ASTN2: variants seen among roughly 807,000 people sequenced by gnomAD.
The protein encoded by ASTN2 is astrotactin 2.
Under a neutral mutation model 139.8 loss-of-function variants are expected in ASTN2, and 54 were observed. The ratio of observed to expected loss-of-function variants is 0.39; its 90% confidence interval spans 0.31 to 0.48. The LOEUF (loss-of-function observed/expected upper bound fraction) is 0.48, where lower values mean the gene tolerates loss of function less well. Among genes scored for constraint, ASTN2 ranks in the 20% least tolerant of loss-of-function variants. The pLI is 0.95. For synonymous variants in ASTN2, 756 were observed against 719.5 expected (o/e 1.05, Z -0.81); for missense variants, 1,565 against 1,725.1 (o/e 0.91, Z 1.64).
chr9:116,428,800 T>C (rs958764550), intron 22 of ASTN2, among the ~76,000 whole-genome samples: 1 of 152,204 alleles, frequency 6.6e-6, no homozygotes, highest in Non-Finnish European at 1.5e-5. Context: ...CCCTCAGTTT[T>C]CTTACCTTAC....
chr9:116,683,858 C>A (rs1446618897), intron 16 of ASTN2, among the ~76,000 whole-genome samples: 2 of 152,108 alleles, frequency 1.3e-5, no homozygotes, highest in African/African-American at 4.8e-5. Context: ...CAGGACACAA[C>A]TGGAGAAATT....
chr9:117,241,574 T>A (rs1833207695), intron 2 of ASTN2, among the ~76,000 whole-genome samples: 1 of 152,156 alleles, frequency 6.6e-6, no homozygotes, highest in Admixed American at 6.5e-5. Context: ...CTAGATCCCT[T>A]GAATGTGCAG....
chr9:116,437,238 C>T (rs1847685202), intron 22 of ASTN2: 1 of 453,188 alleles, frequency 2.2e-6, no homozygotes, highest in Non-Finnish European at 4.5e-6. Context: ...TCGTCCTTAT[C>T]ATGTTATAGG....
At chr9:117,124,350 T>C (rs974522537) in intron 4 of ASTN2, among the ~76,000 whole-genome samples, 2 of 152,054 alleles carry the variant, frequency 1.3e-5, no homozygotes, top group African/African-American at 4.8e-5. Flanking sequence ...CTTTTGAGGG[T>C]TCAAGGTCAC....
rs113795526 is a variant in ASTN2, at chr9:117,116,037, C to CATATATATATAT, written c.1169-19898_1169-19887dup. 4.2e-4 allele frequency among the ~76,000 whole-genome samples: 59 copies of CATATATATATAT among 140,496 alleles called. 3 individuals carry two copies. The highest frequency in any genetic ancestry group is 1.5e-3 in the African/African-American group (55 of 37,214). 92.2% of individuals were successfully genotyped at this position (140,496 alleles called of 152,430 possible). A position where few individuals can be genotyped will look rare whatever the true frequency, so the allele number is the denominator to read the frequency against. On this transcript the variant is annotated intron_variant, in intron 4 of 22. Coordinates refer to ENST00000313400, the MANE Select transcript of ASTN2 (RefSeq NM_001365068.1). ...GAGACTCCGCCTCAAAAAAAAAATG[C>CATATATATATAT]ATATATATATATATATTGCTCCCAT...
chr9:116,960,228 C>T (rs1835837707), intron 10 of ASTN2, among the ~76,000 whole-genome samples: 1 of 152,166 alleles, frequency 6.6e-6, no homozygotes, highest in Admixed American at 6.5e-5. Flanking sequence ...GAACTCCCTT[C>T]TGACTCCAGC....
chr9:116,714,704 G>T (rs1828265590), intron 16 of ASTN2, among the ~76,000 whole-genome samples: 1 of 152,152 alleles, frequency 6.6e-6, no homozygotes, highest in Non-Finnish European at 1.5e-5. Flanking sequence ...ACACCTGTCG[G>T]GAGGAGAATG....
At chr9:116,491,790 A>G (rs576837713) in intron 19 of ASTN2, among the ~76,000 whole-genome samples, 3 of 152,320 alleles carry the variant, frequency 2.0e-5, no homozygotes, top group East Asian at 1.9e-4. Flanking sequence ...TAGTTCCACA[A>G]TATAACATAC....
intron 22 of ASTN2, among the ~76,000 whole-genome samples, chr9:116,431,095 C>G (rs896806859): frequency 6.6e-6 from 1 of 152,194 alleles, no homozygotes; most frequent in South Asian, 2.1e-4. Flanking sequence ...AGACAGGAAT[C>G]GCTTGTGAAA....
intron 17 of ASTN2, among the ~76,000 whole-genome samples, chr9:116,638,806 G>A (rs1267414172): frequency 1.3e-5 from 2 of 149,024 alleles, no homozygotes. Context: ...AAACAAACAA[G>A]TACCAAAGAT....
chr9:117,254,279 G>T (rs1020740725), intron 2 of ASTN2, among the ~76,000 whole-genome samples: 2 of 152,156 alleles, frequency 1.3e-5, no homozygotes, highest in Admixed American at 6.5e-5. Context: ...ATTTATTGAG[G>T]ATTTACTACC....
chr9:116,707,939 C>T (rs1346823854), intron 16 of ASTN2, among the ~76,000 whole-genome samples: 1 of 152,138 alleles, frequency 6.6e-6, no homozygotes, highest in Non-Finnish European at 1.5e-5. Flanking sequence ...CCTAAATTCC[C>T]CCATAGCCAT....
chr9:116,798,190 C>T (rs1425601663), intron 13 of ASTN2, among the ~76,000 whole-genome samples: 1 of 152,160 alleles, frequency 6.6e-6, no homozygotes, highest in East Asian at 1.9e-4. Context: ...AGAATCAGGT[C>T]AGCCCAGGAG....
chr9:116,704,842 T>C (rs1337493926), intron 16 of ASTN2, among the ~76,000 whole-genome samples: 1 of 152,102 alleles, frequency 6.6e-6, no homozygotes, highest in Non-Finnish European at 1.5e-5. Context: ...CTTGACTCTT[T>C]TGAGGGGTAA....
chr9:116,957,483 A>G (rs1171808386), intron 10 of ASTN2, among the ~76,000 whole-genome samples: 6 of 152,254 alleles, frequency 3.9e-5, no homozygotes, highest in African/African-American at 1.4e-4. Flanking sequence ...ATGTTTTTAC[A>G]GCAAGAGAAA....
chr9:116,845,003 A>G (rs1832384214), intron 11 of ASTN2, among the ~76,000 whole-genome samples: 1 of 152,230 alleles, frequency 6.6e-6, no homozygotes, highest in Non-Finnish European at 1.5e-5. Context: ...TCTGCAGAAG[A>G]GAAAACTGAG....
chr9:117,360,702 C>A (rs777511522), intron 1 of ASTN2, among the ~76,000 whole-genome samples: 6 of 152,086 alleles, frequency 3.9e-5, no homozygotes, highest in Admixed American at 3.3e-4. Flanking sequence ...ACTGAGCAGC[C>A]AACCTGATTT....
At chr9:117,312,192 G>T (rs1020087778) in intron 1 of ASTN2, among the ~76,000 whole-genome samples, 1 of 152,134 alleles carries the variant, frequency 6.6e-6, no homozygotes, top group African/African-American at 2.4e-5. Flanking sequence ...AATATATTCA[G>T]GAAAATTTTT....
At chr9:117,142,051 T>C (rs1194333501) in intron 3 of ASTN2, among the ~76,000 whole-genome samples, 1 of 152,140 alleles carries the variant, frequency 6.6e-6, no homozygotes, top group Non-Finnish European at 1.5e-5. Context: ...TGTGTGATGA[T>C]CTGAAACGAG....
Sources: allele counts gnomAD v4.1 joint callset (sites outside exome capture counted in the v4.1 genomes callset), GRCh38; gene constraint gnomAD v4.1.1; transcripts MANE v1.5; gene names NCBI Gene and HGNC (gene_info 2026-07-23, HGNC 2026-07-21).